CNTN5: variants seen among roughly 807,000 people sequenced by gnomAD.
CNTN5 encodes the protein contactin-5.
Under a neutral mutation model 129.1 loss-of-function variants are expected in CNTN5, and 77 were observed. That is an observed-to-expected ratio of 0.60 (90% CI 0.50 to 0.72). CNTN5 has a LOEUF of 0.72. Among genes scored for constraint, CNTN5 ranks in the 30% least tolerant of loss-of-function variants. The pLI is 0.00. For synonymous variants in CNTN5, 509 were observed against 465.6 expected (o/e 1.09, Z -1.20); for missense variants, 1,478 against 1,328.8 (o/e 1.11, Z -1.75).
intron 18 of CNTN5, among the ~76,000 whole-genome samples, chr11:100,291,890 AAAC>A (rs1330067676): frequency 2.0e-5 from 3 of 151,612 alleles, no homozygotes; most frequent in African/African-American, 4.9e-5. Flanking sequence ...ACAAACAAAC[AAAC>A]AACAACAAAA....
At chr11:99,296,417 G>A (rs1269997390) in intron 1 of CNTN5, among the ~76,000 whole-genome samples, 4 of 152,140 alleles carry the variant, frequency 2.6e-5, no homozygotes, top group African/African-American at 4.8e-5. Flanking sequence ...TCCTCAGTAA[G>A]CCATAAAAAA....
At chr11:99,968,871 A>G (rs923290162) in intron 8 of CNTN5, among the ~76,000 whole-genome samples, 7 of 151,838 alleles carry the variant, frequency 4.6e-5, no homozygotes, top group African/African-American at 1.7e-4. Flanking sequence ...GCTGAATAAT[A>G]TAAAAAGTTT....
At chr11:99,885,505 G>A (rs1045440814) in intron 6 of CNTN5, among the ~76,000 whole-genome samples, 4 of 152,056 alleles carry the variant, frequency 2.6e-5, no homozygotes, top group African/African-American at 9.7e-5. Flanking sequence ...TTACAAAATT[G>A]TAAATAAGCA....
chr11:100,317,717 T>G (rs1450109010), intron 21 of CNTN5, among the ~76,000 whole-genome samples: 1 of 152,200 alleles, frequency 6.6e-6, no homozygotes, highest in Non-Finnish European at 1.5e-5. Context: ...GAAACACAAC[T>G]CTATAATTTT....
chr11:100,261,556 G>A (rs1950197988), intron 17 of CNTN5, among the ~76,000 whole-genome samples: 1 of 152,122 alleles, frequency 6.6e-6, no homozygotes, highest in African/African-American at 2.4e-5. Flanking sequence ...TCTACTATAA[G>A]GCTACAGTAA....
At chr11:99,885,383 G>T (rs780674407) in intron 6 of CNTN5, among the ~76,000 whole-genome samples, 22 of 152,164 alleles carry the variant, frequency 1.4e-4, no homozygotes, top group African/African-American at 5.3e-4. Context: ...CTATTCAGCA[G>T]CAACCAAAGA....
At chr11:99,785,939 C>A (rs551637212) in intron 3 of CNTN5, among the ~76,000 whole-genome samples, 2 of 151,982 alleles carry the variant, frequency 1.3e-5, no homozygotes, top group South Asian at 2.1e-4. Context: ...CTTTGAAAGC[C>A]GGCACAAGAC....
chr11:100,114,037 C>A (rs941267871), intron 13 of CNTN5, among the ~76,000 whole-genome samples: 1 of 152,006 alleles, frequency 6.6e-6, no homozygotes, highest in Non-Finnish European at 1.5e-5. Context: ...TTGGAACTGC[C>A]ATCCATGTAA....
At chr11:99,405,078 G>A (rs765104428) in intron 2 of CNTN5, among the ~76,000 whole-genome samples, 4 of 152,202 alleles carry the variant, frequency 2.6e-5, no homozygotes, top group Admixed American at 6.5e-5. Flanking sequence ...CCACTGAAAA[G>A]CCTGCTACCA....
chr11:99,992,378 G>A (rs956177470), intron 8 of CNTN5, among the ~76,000 whole-genome samples: 2 of 152,124 alleles, frequency 1.3e-5, no homozygotes, highest in East Asian at 3.9e-4. Context: ...TTAATGTTAG[G>A]GCAAGTTGCC....
At chr11:99,028,109 T>TA (rs1413875183) in intron 1 of CNTN5, among the ~76,000 whole-genome samples, 2 of 151,830 alleles carry the variant, frequency 1.3e-5, no homozygotes, top group Admixed American at 6.6e-5. Context: ...CAAATAACAG[T>TA]AATCTTAGTA....
chr11:99,713,963 T>C (rs1383646864), intron 3 of CNTN5, among the ~76,000 whole-genome samples: 1 of 151,924 alleles, frequency 6.6e-6, no homozygotes, highest in Admixed American at 6.6e-5. Context: ...GTGAGCAGAA[T>C]GGGGACCATG....
At chr11:99,707,738 A>G (rs185261555) in intron 3 of CNTN5, among the ~76,000 whole-genome samples, 16 of 151,826 alleles carry the variant, frequency 1.1e-4, no homozygotes, top group African/African-American at 3.4e-4. Flanking sequence ...TATATGAGAG[A>G]TACCAGAAAA....
intron 3 of CNTN5, among the ~76,000 whole-genome samples, chr11:99,631,657 T>C (rs1951356069): frequency 6.6e-6 from 1 of 151,818 alleles, no homozygotes; most frequent in Non-Finnish European, 1.5e-5. Flanking sequence ...TTTTTTTTAC[T>C]TTGTTAAAAT....
chr11:99,699,266 C>T (rs887515152), intron 3 of CNTN5, among the ~76,000 whole-genome samples: 2 of 151,410 alleles, frequency 1.3e-5, no homozygotes, highest in African/African-American at 4.8e-5. Context: ...CAAGATACAA[C>T]ATTTGCTACT....
At chr11:100,172,376 T>C (rs1947851939) in intron 13 of CNTN5, among the ~76,000 whole-genome samples, 1 of 152,070 alleles carries the variant, frequency 6.6e-6, no homozygotes, top group African/African-American at 2.4e-5. Flanking sequence ...TGACTACTTA[T>C]TGTGTTATTA....
At chr11:99,767,214 C>A (rs1336660908) in intron 3 of CNTN5, among the ~76,000 whole-genome samples, 1 of 152,170 alleles carries the variant, frequency 6.6e-6, no homozygotes, top group East Asian at 1.9e-4. Context: ...AACATACATT[C>A]ACTTTACAAA....
intron 2 of CNTN5, among the ~76,000 whole-genome samples, chr11:99,468,674 T>C (rs1945042698): frequency 6.6e-6 from 1 of 151,606 alleles, no homozygotes; most frequent in Non-Finnish European, 1.5e-5. Context: ...TTTGGAATTT[T>C]CATGGATGTT....
chr11:99,756,251 T>A (rs911082910), intron 3 of CNTN5, among the ~76,000 whole-genome samples: 7 of 152,046 alleles, frequency 4.6e-5, no homozygotes, highest in African/African-American at 1.4e-4. Context: ...GCCTGGGAAA[T>A]AAAGATTGGA....
Sources: gnomAD v4.1 joint callset for allele counts (sites outside exome capture counted in the v4.1 genomes callset) on GRCh38, gnomAD v4.1.1 for gene constraint, MANE v1.5 for transcripts, NCBI Gene and HGNC (gene_info 2026-07-23, HGNC 2026-07-21) for gene names.